The following PLPPR1 variants were observed in gnomAD, a reference collection of about 807,000 sequenced individuals.
PLPPR1 encodes the protein phospholipid phosphatase related 1.
Under a neutral mutation model 33.1 loss-of-function variants are expected in PLPPR1, and 10 were observed. The ratio of observed to expected loss-of-function variants is 0.30; its 90% CI spans 0.19 to 0.51. The LOEUF (loss-of-function observed/expected upper bound fraction) is 0.51, where lower values mean the gene tolerates loss of function less well. Ranked by LOEUF, PLPPR1 falls within the 20% of genes least tolerant of loss-of-function variation. The probability of loss-of-function intolerance (pLI) is 0.97; values close to 1 mark genes in which losing one functional copy is unlikely to be tolerated. For synonymous variants in PLPPR1, 151 were observed against 151.0 expected (o/e 1.00, Z 0.00); for missense variants, 304 against 408.1 (o/e 0.74, Z 2.20).
chr9:101,099,105 CG>C (rs1232221137), intron 1 of PLPPR1, among the ~76,000 whole-genome samples: 1 of 139,696 alleles, frequency 7.2e-6, no homozygotes, highest in Non-Finnish European at 1.6e-5. Context: ...GTGTGTGTGT[CG>C]GGGGGAGGCG....
chr9:101,034,924 T>C (rs567486500), intron 1 of PLPPR1, among the ~76,000 whole-genome samples: 211 of 152,222 alleles, frequency 1.4e-3, no homozygotes, highest in African/African-American at 4.9e-3. Context: ...TCGGCTGTCA[T>C]AAGCCTAGGT....
chr9:101,091,781 A>G (rs1318558348), intron 1 of PLPPR1, among the ~76,000 whole-genome samples: 1 of 152,042 alleles, frequency 6.6e-6, no homozygotes, highest in African/African-American at 2.4e-5. Flanking sequence ...CTAATTAGCT[A>G]CTCCATCTAA....
chr9:101,060,676 A>T (rs1276716759), intron 1 of PLPPR1, among the ~76,000 whole-genome samples: 1 of 151,918 alleles, frequency 6.6e-6, no homozygotes, highest in Admixed American at 6.6e-5. Flanking sequence ...TGCATTAAAA[A>T]TAATGAGTGT....
rs1830538774 is a variant in PLPPR1, at chr9:101,076,510, T to C, written c.-46+47408T>C. On this transcript the variant is annotated intron_variant, in intron 1 of 7. Transcript: ENST00000374874. ...AGGATAATTGTGTTCAGTCTCATGT[T>C]TGAATCCCAGATGTCTGTACCTGAA... Among the ~76,000 whole-genome samples the C allele has an allele frequency of 2.0e-5, 3 of 152,330 alleles. No homozygotes were observed. In the South Asian group the frequency reaches 6.2e-4, roughly 32 times the overall value.
chr9:101,078,096 GAGAAGGAGAAGAAGAAGAAGA>G (rs1421859318), intron 1 of PLPPR1, among the ~76,000 whole-genome samples: 16 of 54,922 alleles, frequency 2.9e-4, no homozygotes, highest in African/African-American at 1.1e-3. Flanking sequence ...GGAGGAGAAG[GAGAAGGAGAAGAAGAAGAAGA>G]AGAAGAAGAA....
chr9:101,207,279 G>A (rs1425010884), intron 2 of PLPPR1, among the ~76,000 whole-genome samples: 1 of 152,042 alleles, frequency 6.6e-6, no homozygotes, highest in African/African-American at 2.4e-5. Flanking sequence ...AAAAAGGAAG[G>A]AAAATGAGAC....
intron 1 of PLPPR1, among the ~76,000 whole-genome samples, chr9:101,082,146 C>T (rs1189621500): frequency 6.6e-6 from 1 of 152,186 alleles, no homozygotes; most frequent in Non-Finnish European, 1.5e-5. Context: ...ATAAGGGGCT[C>T]TAGCTATGGG....
intron 1 of PLPPR1, among the ~76,000 whole-genome samples, chr9:101,181,009 A>G (rs891334696): frequency 2.0e-5 from 3 of 151,436 alleles, no homozygotes; most frequent in Non-Finnish European, 4.4e-5. Flanking sequence ...TTTAAAATAT[A>G]TGAAGAACTC....
chr9:101,082,397 A>G (rs1387388245), intron 1 of PLPPR1, among the ~76,000 whole-genome samples: 4 of 152,012 alleles, frequency 2.6e-5, no homozygotes, highest in African/African-American at 9.7e-5. Context: ...GCAGAAAAGC[A>G]TTCCTCCTCC....
Position 101,286,359 on chromosome 9 carries a change from C to T in PLPPR1, c.385+123C>T, listed in dbSNP as rs1828395292. On this transcript the variant is annotated intron_variant, in intron 4 of 7. Transcript: ENST00000374874. The stretch of plus-strand genomic sequence containing the variant: ...AAGCAAGGGCTGCTTTGGGGATTTT[C>T]CTGATCCTACTGCCACATCAAATTT... 1.2e-5 allele frequency: 10 copies of T among 838,556 alleles called. No homozygotes were observed. In the East Asian group the frequency reaches 2.1e-4, roughly 18 times the overall value. The allele number at this position is 838,556 out of a possible 1,614,324, so 51.9% of individuals were successfully genotyped here.
At chr9:101,180,127 TATATATATATATATATAC>T (rs1484994067) in intron 1 of PLPPR1, among the ~76,000 whole-genome samples, 707 of 35,194 alleles carry the variant, frequency 0.02, 46 homozygotes, top group African/African-American at 0.088. Flanking sequence ...TATATATATA[TATATATATATATATATAC>T]ACACACACAC....
chr9:101,181,437 A>G (rs1220846896), intron 1 of PLPPR1, among the ~76,000 whole-genome samples: 1 of 150,908 alleles, frequency 6.6e-6, no homozygotes, highest in East Asian at 1.9e-4. Flanking sequence ...ATAATTTATC[A>G]TATTATCCAG....
At chr9:101,224,986 A>G (rs1827032392) in intron 2 of PLPPR1, among the ~76,000 whole-genome samples, 3 of 152,216 alleles carry the variant, frequency 2.0e-5, no homozygotes, top group African/African-American at 7.2e-5. Flanking sequence ...AATGCTTAAT[A>G]TTAAAAGCAT....
At chr9:101,301,775 A>G (rs2118942510) in intron 4 of PLPPR1, among the ~76,000 whole-genome samples, 1 of 152,372 alleles carries the variant, frequency 6.6e-6, no homozygotes, top group South Asian at 2.1e-4. Context: ...TAAAGTGATG[A>G]GAAAAGTGCC....
intron 1 of PLPPR1, among the ~76,000 whole-genome samples, chr9:101,135,812 C>G (rs910841948): frequency 6.6e-6 from 1 of 152,198 alleles, no homozygotes; most frequent in Non-Finnish European, 1.5e-5. Flanking sequence ...TACATTTTCA[C>G]CTTTACATTT....
chr9:101,273,731 T>C (rs1401770566), intron 3 of PLPPR1, among the ~76,000 whole-genome samples: 1 of 152,238 alleles, frequency 6.6e-6, no homozygotes, highest in East Asian at 1.9e-4. Flanking sequence ...GTTTTTGTTC[T>C]TCATTTATAC....
chr9:101,318,913 T>C (rs1219074990), intron 7 of PLPPR1, among the ~76,000 whole-genome samples: 2 of 152,184 alleles, frequency 1.3e-5, no homozygotes, highest in African/African-American at 4.8e-5. Flanking sequence ...ACTAATAATA[T>C]GATTTTCATT....
At chr9:101,290,642 A>C (rs900172926) in intron 4 of PLPPR1, among the ~76,000 whole-genome samples, 1 of 152,216 alleles carries the variant, frequency 6.6e-6, no homozygotes, top group Non-Finnish European at 1.5e-5. Context: ...ATTTTTGTGG[A>C]CTAAAATTAT....
chr9:101,286,511 C>T (rs1389843762), intron 4 of PLPPR1, among the ~76,000 whole-genome samples: 2 of 152,110 alleles, frequency 1.3e-5, no homozygotes, highest in Admixed American at 1.3e-4. Flanking sequence ...TTGCTATATA[C>T]CTTTTAGCAG....
Sources: gnomAD v4.1 joint callset for allele counts (sites outside exome capture counted in the v4.1 genomes callset) on GRCh38, gnomAD v4.1.1 for gene constraint, MANE v1.5 for transcripts, NCBI Gene and HGNC (gene_info 2026-07-23, HGNC 2026-07-21) for gene names.